Variants in IREB2 observed in about 807,000 individuals in gnomAD.
IREB2 encodes the protein iron responsive element binding protein 2.
IREB2 carries 39 observed loss-of-function variants against 118.8 expected under a neutral mutation model. The observed-to-expected ratio is 0.33, with a 90% CI of 0.25 to 0.43. The LOEUF (loss-of-function observed/expected upper bound fraction) is 0.43. Among genes scored for constraint, IREB2 ranks in the 20% least tolerant of loss-of-function variants. The pLI, the probability that IREB2 is intolerant of heterozygous loss-of-function variation, is 1.00. For missense variants in IREB2, 900 were observed against 1,147.3 expected (o/e 0.78, Z 3.11); for synonymous variants, 372 against 392.2 (o/e 0.95, Z 0.61).
At chr15:78,439,644 C>T (rs2050814036) in intron 1 of IREB2, 151 bp from the exon 2 acceptor site, 4 of 552,932 alleles carry the variant, frequency 7.2e-6, no homozygotes, top group Non-Finnish European at 9.5e-6. Flanking sequence ...AATAGCCACA[C>T]GTTGCTAATG....
intron 2 of IREB2, among the ~76,000 whole-genome samples, chr15:78,442,655 CTT>C (rs1249566225): frequency 1.3e-5 from 2 of 152,226 alleles, no homozygotes; most frequent in Non-Finnish European, 2.9e-5. Context: ...TGTCCAATGA[CTT>C]TAAGAAATAC....
chr15:78,490,187 C>A (rs527945399), intron 16 of IREB2, among the ~76,000 whole-genome samples: 2 of 151,916 alleles, frequency 1.3e-5, no homozygotes. Flanking sequence ...CCAAGGCCCA[C>A]GTATCGCTTG....
intron 13 of IREB2, among the ~76,000 whole-genome samples, chr15:78,486,207 A>G (rs773817712): frequency 3.3e-5 from 5 of 152,230 alleles, no homozygotes; most frequent in Non-Finnish European, 4.4e-5. Context: ...AAGAAATCTT[A>G]TAGTTTGCAT....
At chr15:78,442,869 C>T (rs908918959) in intron 2 of IREB2, among the ~76,000 whole-genome samples, 2 of 152,196 alleles carry the variant, frequency 1.3e-5, no homozygotes, top group Non-Finnish European at 2.9e-5. Flanking sequence ...GTACAGAGTA[C>T]ATGTGTACTT....
intron 2 of IREB2, among the ~76,000 whole-genome samples, chr15:78,460,071 A>G (rs1020961588): frequency 2.6e-5 from 4 of 152,200 alleles, no homozygotes; most frequent in African/African-American, 9.6e-5. Flanking sequence ...TCAGGAGGCA[A>G]ATAATATCTC....
intron 18 of IREB2, among the ~76,000 whole-genome samples, chr15:78,492,936 G>A (rs1566997547): frequency 2.6e-5 from 4 of 151,910 alleles, no homozygotes; most frequent in Non-Finnish European, 1.5e-5. Flanking sequence ...ACTATTTTAC[G>A]GTCTCTAATA....
intron 20 of IREB2, among the ~76,000 whole-genome samples, chr15:78,495,507 G>A (rs1319764472): frequency 1.3e-5 from 2 of 152,084 alleles, no homozygotes; most frequent in African/African-American, 4.8e-5. Flanking sequence ...TTTTCATTAA[G>A]CGATTCTATA....
intron 18 of IREB2, among the ~76,000 whole-genome samples, chr15:78,492,654 G>A (rs925133833): frequency 3.3e-5 from 5 of 152,162 alleles, no homozygotes; most frequent in South Asian, 4.1e-4. Context: ...GGAACTCGTG[G>A]GCTCAAGCAC....
At chr15:78,448,135 A>G (rs1433242544) in intron 2 of IREB2, among the ~76,000 whole-genome samples, 2 of 149,362 alleles carry the variant, frequency 1.3e-5, no homozygotes, top group Non-Finnish European at 2.9e-5. Context: ...CAATGTATGT[A>G]TGTATGTATG....
chr15:78,453,443 A>T (rs930425320), intron 2 of IREB2, among the ~76,000 whole-genome samples: 1 of 152,218 alleles, frequency 6.6e-6, no homozygotes, highest in African/African-American at 2.4e-5. Flanking sequence ...AGGAAGCAGT[A>T]CTTTTGTTGT....
At chr15:78,473,469 C>T (rs1300117611) in intron 8 of IREB2, 88 bp downstream of exon 8, 16 of 1,020,062 alleles carry the variant, frequency 1.6e-5, no homozygotes, top group Non-Finnish European at 2.4e-5. Context: ...GATTTGGGTT[C>T]ATTACTGCAT....
chr15:78,446,240 T>C (rs1264406748), intron 2 of IREB2, among the ~76,000 whole-genome samples: 1 of 152,230 alleles, frequency 6.6e-6, no homozygotes, highest in Non-Finnish European at 1.5e-5. Flanking sequence ...TGCTTGTAAT[T>C]TGTACACATA....
At chr15:78,469,421 TAAAA>T (rs869144439) in intron 5 of IREB2, among the ~76,000 whole-genome samples, 10 of 145,754 alleles carry the variant, frequency 6.9e-5, no homozygotes, top group Non-Finnish European at 1.5e-4. Flanking sequence ...AATCTTTGTT[TAAAA>T]AAAAAAAAAG....
chr15:78,477,894 C>G (rs2051497967), intron 9 of IREB2, among the ~76,000 whole-genome samples: 1 of 151,972 alleles, frequency 6.6e-6, no homozygotes, highest in Non-Finnish European at 1.5e-5. Context: ...GTACTCCAGC[C>G]TAGGTGACAC....
intron 5 of IREB2, among the ~76,000 whole-genome samples, chr15:78,468,884 G>T (rs1044519929): frequency 6.6e-5 from 10 of 152,146 alleles, no homozygotes; most frequent in Non-Finnish European, 8.8e-5. Context: ...TTAGGAGCAT[G>T]TTGACTTTTG....
At chr15:78,496,863 G>A (rs1194137593) in intron 20 of IREB2, among the ~76,000 whole-genome samples, 1 of 152,132 alleles carries the variant, frequency 6.6e-6, no homozygotes, top group Non-Finnish European at 1.5e-5. Flanking sequence ...CATTTATAGA[G>A]CTCTTATGAT....
rs2051220468 is a variant in IREB2, at chr15:78,462,924, G to A, written c.109G>A (p.Val37Ile). ...DVSKLGTKYDVLPYSIRVLLE... is the reference protein window; with the variant it reads ...DVSKLGTKYDILPYSIRVLLE... ...ATAGTAATATTTTCTTGAATCAGAT[G>A]TTCTGCCTTACTCAATACGGGTCTT... The change falls in exon 3 of 22, where the codon GTT becomes ATT. Residue 37 changes from valine to isoleucine, a missense_variant and splice_region_variant. Transcript: ENST00000258886. 1.3e-6 allele frequency: 2 copies of A among 1,588,130 alleles called. No homozygotes were observed. The highest frequency in any genetic ancestry group is 1.4e-5 in the African/African-American group (1 of 73,520).
At chr15:78,496,732 A>G (rs748644736) in intron 20 of IREB2, among the ~76,000 whole-genome samples, 8 of 152,104 alleles carry the variant, frequency 5.3e-5, no homozygotes, top group Non-Finnish European at 8.8e-5. Flanking sequence ...GCCTGGCCCT[A>G]TATACCTTCT....
Position 78,473,241 on chromosome 15 carries a change from G to A in IREB2, c.884-1G>A. ...TAATATACCTGTCTTTATTACGTTA[G>A]GGGTTGGAGGCATTGAAACAGAAGC... is the stretch of plus-strand genomic sequence containing the variant. On this transcript the variant is annotated splice_acceptor_variant, in intron 7 of 21. Coordinates refer to ENST00000258886, the MANE Select transcript of IREB2 (RefSeq NM_004136.4). LOFTEE classifies it high-confidence loss of function. 1 of 1,613,280 alleles carries A rather than the reference G, an allele frequency of 6.2e-7. No individual in the cohort carries two copies. The highest frequency in any genetic ancestry group is 8.5e-7 in the Non-Finnish European group (1 of 1,179,514).
Sources: gnomAD v4.1 joint callset for allele counts (sites outside exome capture counted in the v4.1 genomes callset) on GRCh38, gnomAD v4.1.1 for gene constraint, MANE v1.5 for transcripts, NCBI Gene and HGNC (gene_info 2026-07-23, HGNC 2026-07-21) for gene names.